PDE4D: variants seen among roughly 807,000 people sequenced by gnomAD.
PDE4D encodes 3',5'-cyclic-AMP phosphodiesterase 4D.
A neutral mutation model predicts 87.4 loss-of-function variants in PDE4D; 24 were observed. That is an observed-to-expected ratio of 0.27 (90% CI 0.20 to 0.39). The LOEUF (loss-of-function observed/expected upper bound fraction) is 0.39. Among genes scored for constraint, PDE4D ranks in the 10% least tolerant of loss-of-function variants. The pLI is 1.00. For synonymous variants in PDE4D, 384 were observed against 383.2 expected, an observed-to-expected ratio of 1.00 and a Z score of -0.02; for missense variants, 714 against 1,041.0, an observed-to-expected ratio of 0.69 and a Z score of 4.32.
intron 1 of PDE4D, among the ~76,000 whole-genome samples, chr5:59,752,508 G>T (rs1163338228): frequency 6.6e-6 from 1 of 152,038 alleles, no homozygotes; most frequent in Non-Finnish European, 1.5e-5. Context: ...TAGGTGCTAG[G>T]GATACACCTG....
intron 1 of PDE4D, among the ~76,000 whole-genome samples, chr5:60,413,675 G>T (rs368342853): frequency 1.9e-4 from 29 of 151,882 alleles, no homozygotes; most frequent in African/African-American, 7.0e-4. Context: ...AAGAGAATTT[G>T]GGAGTGGTTT....
intron 1 of PDE4D, among the ~76,000 whole-genome samples, chr5:59,862,341 A>G (rs1416063507): frequency 6.6e-6 from 1 of 152,202 alleles, no homozygotes; most frequent in African/African-American, 2.4e-5. Context: ...TAGAAAACTA[A>G]GAAAGAAAGA....
intron 1 of PDE4D, among the ~76,000 whole-genome samples, chr5:59,437,157 A>G (rs535317931): frequency 3.9e-4 from 60 of 152,332 alleles, no homozygotes; most frequent in Admixed American, 1.0e-3. Context: ...ATGCTCATTC[A>G]TTGAAATTTC....
At chr5:60,069,327 A>G (rs1456957532) in intron 2 of PDE4D, among the ~76,000 whole-genome samples, 6 of 152,192 alleles carry the variant, frequency 3.9e-5, no homozygotes, top group Non-Finnish European at 8.8e-5. Flanking sequence ...CCTTTCCACC[A>G]TGTGAGACAC....
intron 1 of PDE4D, among the ~76,000 whole-genome samples, chr5:59,316,669 G>T (rs1026032934): frequency 1.3e-5 from 2 of 152,162 alleles, no homozygotes; most frequent in African/African-American, 4.8e-5. Context: ...CTTACCCACA[G>T]ACACAGCTCT....
At chr5:59,196,708 TAA>T (rs1399130597) in intron 2 of PDE4D, among the ~76,000 whole-genome samples, 1 of 152,176 alleles carries the variant, frequency 6.6e-6, no homozygotes, top group Non-Finnish European at 1.5e-5. Context: ...GACAAATCAG[TAA>T]ACTGTGTAGT....
intron 1 of PDE4D, among the ~76,000 whole-genome samples, chr5:59,661,498 T>C (rs937211360): frequency 6.6e-6 from 1 of 152,174 alleles, no homozygotes; most frequent in East Asian, 1.9e-4. Context: ...ACTCTAGATG[T>C]TTGCATAAGC....
At chr5:59,425,869 A>G (rs1159072624) in intron 1 of PDE4D, among the ~76,000 whole-genome samples, 7 of 152,174 alleles carry the variant, frequency 4.6e-5, no homozygotes, top group Non-Finnish European at 1.0e-4. Flanking sequence ...TCATTTCATG[A>G]GCACAATTTG....
At chr5:60,178,091 T>C (rs147512989) in intron 2 of PDE4D, among the ~76,000 whole-genome samples, 2 of 152,278 alleles carry the variant, frequency 1.3e-5, no homozygotes, top group African/African-American at 4.8e-5. Flanking sequence ...ACCATAAATA[T>C]TTCATCAGAT....
chr5:59,222,865 G>T (rs1752860047), intron 1 of PDE4D, among the ~76,000 whole-genome samples: 1 of 152,164 alleles, frequency 6.6e-6, no homozygotes, highest in African/African-American at 2.4e-5. Context: ...GATTAGAAGA[G>T]AAAATGTTTG....
chr5:59,086,638 G>T (rs13183985), intron 5 of PDE4D, among the ~76,000 whole-genome samples: 6,903 of 152,032 alleles, frequency 0.045, 317 homozygotes, highest in East Asian at 0.13. Flanking sequence ...ATCTGGATGT[G>T]CACAGACACC....
chr5:59,363,623 A>G (rs140762585), intron 1 of PDE4D, among the ~76,000 whole-genome samples: 2 of 152,336 alleles, frequency 1.3e-5, no homozygotes, highest in African/African-American at 4.8e-5. Flanking sequence ...AGCAGACATT[A>G]TTATCACCAC....
chr5:59,917,689 T>C (rs890046544), intron 3 of PDE4D, among the ~76,000 whole-genome samples: 7 of 152,230 alleles, frequency 4.6e-5, no homozygotes, highest in Admixed American at 2.6e-4. Flanking sequence ...AAGCTTTTAG[T>C]ACATACTTGA....
intron 1 of PDE4D, among the ~76,000 whole-genome samples, chr5:59,553,969 T>C (rs1164454891): frequency 1.3e-5 from 2 of 152,158 alleles, no homozygotes; most frequent in Admixed American, 6.6e-5. Context: ...TTTTGAGCTC[T>C]GGCCACATAC....
rs1451739381 is a variant in PDE4D, at chr5:60,425,459, C to G, written c.-90+62483G>C. On this transcript the variant is annotated intron_variant, in intron 1 of 16. Transcript: ENST00000502484. ...AGGATTCCCTATTTAATAAATGGTG[C>G]TGGGAAAACTGGCTAGCCATATGTA... Among the ~76,000 whole-genome samples, 7 of 152,186 alleles carry G rather than the reference C, an allele frequency of 4.6e-5. No individual in the cohort carries two copies. In the East Asian group the frequency reaches 1.3e-3, roughly 29 times the overall value.
chr5:58,973,545 G>A lies in PDE4D; in HGVS notation c.*1119C>T, dbSNP rs914459105. 6.6e-6 allele frequency: 1 copy of A among 152,614 alleles called. No homozygotes were observed. Among genetic ancestry groups the A allele is most frequent in the Non-Finnish European group, 1.5e-5 (1 of 68,032 alleles). The allele number at this position is 152,614 out of a possible 1,614,324, so 9.5% of individuals were successfully genotyped here. On this transcript the variant is annotated 3_prime_UTR_variant, in exon 15 of 15. Transcript: ENST00000340635. Reference sequence around the variant, plus strand: ...GTGACACAGCAAAACGTTATTAGGAGATACTAAGTAGGAAAACATCTAAAA... The same window carrying A: ...GTGACACAGCAAAACGTTATTAGGAAATACTAAGTAGGAAAACATCTAAAA...
intron 1 of PDE4D, among the ~76,000 whole-genome samples, chr5:59,735,927 C>T (rs1758003043): frequency 6.6e-6 from 1 of 152,090 alleles, no homozygotes; most frequent in African/African-American, 2.4e-5. Context: ...CCTCGGCCTC[C>T]CAAAGTTCTA....
intron 2 of PDE4D, among the ~76,000 whole-genome samples, chr5:60,131,043 G>C (rs2149397768): frequency 6.6e-6 from 1 of 152,288 alleles, no homozygotes; most frequent in East Asian, 1.9e-4. Flanking sequence ...AGGCCACTCA[G>C]AGAAGGATGT....
At chr5:60,109,222 A>G (rs2149353198) in intron 2 of PDE4D, among the ~76,000 whole-genome samples, 1 of 152,362 alleles carries the variant, frequency 6.6e-6, no homozygotes, top group South Asian at 2.1e-4. Context: ...ACACTTCTCA[A>G]AAGAAGACAT....
Sources: allele counts gnomAD v4.1 joint callset (sites outside exome capture counted in the v4.1 genomes callset), GRCh38; gene constraint gnomAD v4.1.1; transcripts MANE v1.5; gene names NCBI Gene and HGNC (gene_info 2026-07-23, HGNC 2026-07-21).